The following STXBP5L variants were observed in gnomAD, a reference collection of about 807,000 sequenced individuals.
STXBP5L encodes the protein syntaxin binding protein 5L.
STXBP5L carries 65 observed loss-of-function variants against 144.5 expected under a neutral mutation model. That is an observed-to-expected ratio of 0.45 (90% CI 0.37 to 0.55). The LOEUF is 0.55. STXBP5L is among the 20% of genes least tolerant of loss of function. The pLI, the probability that STXBP5L is intolerant of heterozygous loss-of-function variation, is 0.00. For missense variants in STXBP5L, 1,298 were observed against 1,405.5 expected, an observed-to-expected ratio of 0.92 and a Z score of 1.22; for synonymous variants, 505 against 469.6, an observed-to-expected ratio of 1.08 and a Z score of -0.97.
intron 22 of STXBP5L, among the ~76,000 whole-genome samples, chr3:121,389,883 C>A (rs2046531256): frequency 6.6e-6 from 1 of 152,176 alleles, no homozygotes; most frequent in Non-Finnish European, 1.5e-5. Flanking sequence ...ATGGAATGTT[C>A]TGTAGATGTC....
chr3:121,096,332 C>A (rs1265173292), intron 5 of STXBP5L, among the ~76,000 whole-genome samples: 1 of 152,152 alleles, frequency 6.6e-6, no homozygotes, highest in Non-Finnish European at 1.5e-5. Context: ...TTTGTTGTTA[C>A]CCACTTTCTG....
At chr3:121,351,928 T>A (rs934010891) in intron 20 of STXBP5L, among the ~76,000 whole-genome samples, 8 of 152,178 alleles carry the variant, frequency 5.3e-5, no homozygotes, top group Admixed American at 3.9e-4. Context: ...CAGCACCATT[T>A]ATTAAATAGG....
At chr3:121,032,153 G>T (rs1006270718) in intron 3 of STXBP5L, among the ~76,000 whole-genome samples, 2 of 151,656 alleles carry the variant, frequency 1.3e-5, no homozygotes, top group African/African-American at 4.8e-5. Context: ...GGAGGAGTGA[G>T]TAAGGTATGA....
At chr3:121,045,385 A>T (rs751917979) in intron 4 of STXBP5L, 50 bp from the exon 5 acceptor site, 3 of 1,523,332 alleles carry the variant, frequency 2.0e-6, no homozygotes, top group South Asian at 2.5e-5. Flanking sequence ...GATTAAAAAA[A>T]CCCTAAATTA....
chr3:121,106,894 C>T (rs752741408), intron 5 of STXBP5L, among the ~76,000 whole-genome samples: 5 of 152,128 alleles, frequency 3.3e-5, no homozygotes, highest in African/African-American at 4.8e-5. Context: ...TCCACAGCCT[C>T]GCCAGCATCT....
chr3:120,910,713 A>G (rs888243960), intron 2 of STXBP5L, among the ~76,000 whole-genome samples: 2 of 152,164 alleles, frequency 1.3e-5, no homozygotes, highest in African/African-American at 4.8e-5. Flanking sequence ...TATTAAAATT[A>G]TATTTGTGGT....
Position 121,193,283 on chromosome 3 carries a change from C to T in STXBP5L, c.878-12640C>T, listed in dbSNP as rs563772156. On this transcript the variant is annotated intron_variant, in intron 9 of 26. Coordinates refer to ENST00000471454, the MANE Select transcript of STXBP5L (RefSeq NM_001308330.2). ...AAAACCACAGTGAGATATCGTCTCA[C>T]ACCAGTTAGAATGGCGATCATTAAA... 6.3e-5 allele frequency among the ~76,000 whole-genome samples: 9 copies of T among 142,988 alleles called. 1 individual carries two copies. The South Asian group carries it at 1.5e-3, about 23-fold the overall frequency. 93.8% of individuals were successfully genotyped at this position (142,988 alleles called of 152,430 possible).
rs562825778 is a variant in STXBP5L, at chr3:121,331,808, A to G, written c.2176+13268A>G. ...CAACCCAGTAAATAAAATGTTGGGGAAAAAAATAACTAAATAAAAAAGTGC... is the reference window on the plus strand; with the variant it reads ...CAACCCAGTAAATAAAATGTTGGGGGAAAAAATAACTAAATAAAAAAGTGC... On this transcript the variant is annotated intron_variant, in intron 20 of 26. Coordinates refer to ENST00000471454, the MANE Select transcript of STXBP5L (RefSeq NM_001308330.2). Among the ~76,000 whole-genome samples the G allele has an allele frequency of 9.2e-5, 14 of 152,246 alleles. No homozygotes were observed. The South Asian group carries it at 1.0e-3, about 11-fold the overall frequency.
chr3:121,025,861 T>G (rs2107479430), intron 3 of STXBP5L, among the ~76,000 whole-genome samples: 1 of 147,186 alleles, frequency 6.8e-6, no homozygotes, highest in South Asian at 2.1e-4. Context: ...AGTATATCAT[T>G]AAATTATATT....
chr3:121,218,747 CAAGTT>C (rs1229050103), intron 10 of STXBP5L, among the ~76,000 whole-genome samples: 8 of 152,094 alleles, frequency 5.3e-5, no homozygotes, highest in African/African-American at 1.4e-4. Context: ...ATCAAAAACT[CAAGTT>C]AAGGCAGTGT....
At chr3:121,173,153 G>A (rs1054763881) in intron 9 of STXBP5L, among the ~76,000 whole-genome samples, 7 of 151,996 alleles carry the variant, frequency 4.6e-5, no homozygotes, top group African/African-American at 1.7e-4. Context: ...CACAGGGAGG[G>A]GAACATCACA....
chr3:120,954,424 G>A (rs1171544426), intron 2 of STXBP5L, among the ~76,000 whole-genome samples: 2 of 152,002 alleles, frequency 1.3e-5, no homozygotes, highest in African/African-American at 2.4e-5. Context: ...ATAAACTTGT[G>A]TATGGCTTCT....
At chr3:121,300,144 AT>A (rs1272284957) in intron 19 of STXBP5L, among the ~76,000 whole-genome samples, 1 of 152,150 alleles carries the variant, frequency 6.6e-6, no homozygotes, top group Non-Finnish European at 1.5e-5. Context: ...ATCAGAAATA[AT>A]TGAAGCTAGA....
intron 18 of STXBP5L, among the ~76,000 whole-genome samples, chr3:121,278,156 C>A (rs2050942668): frequency 6.6e-6 from 1 of 151,918 alleles, no homozygotes; most frequent in Non-Finnish European, 1.5e-5. Flanking sequence ...TGTGCCCAAG[C>A]CTGGGAACTA....
chr3:121,384,148 C>A (rs1392600352), intron 22 of STXBP5L, among the ~76,000 whole-genome samples: 1 of 152,032 alleles, frequency 6.6e-6, no homozygotes. Flanking sequence ...GAAATAAGCA[C>A]TGGGGATACA....
intron 5 of STXBP5L, among the ~76,000 whole-genome samples, chr3:121,080,162 T>G (rs936808106): frequency 5.9e-5 from 9 of 152,192 alleles, no homozygotes; most frequent in Non-Finnish European, 1.5e-5. Context: ...CATTTTTGGT[T>G]TCCATTGGCA....
At chr3:120,953,244 A>G (rs1421125301) in intron 2 of STXBP5L, among the ~76,000 whole-genome samples, 1 of 151,950 alleles carries the variant, frequency 6.6e-6, no homozygotes, top group African/African-American at 2.4e-5. Flanking sequence ...AAAACTACTC[A>G]TTATAAATAA....
chr3:121,000,790 T>C (rs1162609969), intron 3 of STXBP5L, among the ~76,000 whole-genome samples: 2 of 152,222 alleles, frequency 1.3e-5, no homozygotes, highest in South Asian at 2.1e-4. Context: ...GGGCTTTTTC[T>C]TTTTATATTC....
intron 3 of STXBP5L, among the ~76,000 whole-genome samples, chr3:121,038,130 C>A (rs1014952423): frequency 6.6e-6 from 1 of 151,676 alleles, no homozygotes; most frequent in Admixed American, 6.6e-5. Flanking sequence ...TGATCTGTTT[C>A]TATTTTATTG....
Sources: gnomAD v4.1 joint callset for allele counts (sites outside exome capture counted in the v4.1 genomes callset) on GRCh38, gnomAD v4.1.1 for gene constraint, MANE v1.5 for transcripts, NCBI Gene and HGNC (gene_info 2026-07-23, HGNC 2026-07-21) for gene names.